The following SPICE1 variants were observed in gnomAD, a reference collection of about 807,000 sequenced individuals.
The protein encoded by SPICE1 is spindle and centriole associated protein 1.
A neutral mutation model predicts 102.7 loss-of-function variants in SPICE1; 75 were observed. The ratio of observed to expected loss-of-function variants is 0.73; its 90% CI spans 0.61 to 0.88. SPICE1 has a LOEUF of 0.88. SPICE1 is among the 40% of genes least tolerant of loss of function. The pLI, the probability that SPICE1 is intolerant of heterozygous loss-of-function variation, is 0.00. For missense variants in SPICE1, 979 were observed against 1,020.1 expected, an observed-to-expected ratio of 0.96 and a Z score of 0.55; for synonymous variants, 308 against 350.3, an observed-to-expected ratio of 0.88 and a Z score of 1.35.
chr3:113,489,930 C>T (rs985950264), intron 6 of SPICE1, among the ~76,000 whole-genome samples: 2 of 150,810 alleles, frequency 1.3e-5, no homozygotes, highest in Non-Finnish European at 3.0e-5. Context: ...TTTTCTCCTA[C>T]TCTTCTGGCC....
chr3:113,493,067 C>A, intron 6 of SPICE1, 139 bp downstream of exon 6: 1 of 595,486 alleles, frequency 1.7e-6, no homozygotes, highest in Non-Finnish European at 2.9e-6. Flanking sequence ...ACAGAAAGTG[C>A]AATACACTTA....
At chr3:113,508,398 C>T (rs1400262952) in intron 1 of SPICE1, among the ~76,000 whole-genome samples, 3 of 151,968 alleles carry the variant, frequency 2.0e-5, no homozygotes, top group Non-Finnish European at 4.4e-5. Flanking sequence ...TGAATCCAGA[C>T]TATATAAAGA....
rs570178306 is a variant in SPICE1 at position 113,515,118 on chromosome 3, A to C, written c.-222T>G. The C allele has an allele frequency of 1.2e-3, 205 of 167,210 alleles. No homozygotes were observed. Among genetic ancestry groups the C allele is most frequent in the African/African-American group, 4.5e-3 (187 of 41,678 alleles). The allele number at this position is 167,210 out of a possible 1,614,324, so 10.4% of individuals were successfully genotyped here. A position where few individuals can be genotyped will look rare whatever the true frequency, so the allele number is the denominator to read the frequency against. On this transcript the variant is annotated 5_prime_UTR_variant, in exon 1 of 18. Coordinates refer to ENST00000295872, the MANE Select transcript of SPICE1 (RefSeq NM_144718.4). Reference sequence around the variant, plus strand: ...CCGACTGCCGCCGCCACCGCAGCTAAAACTTCAGGCGCCGGAACCGCGGAG... The same window carrying C: ...CCGACTGCCGCCGCCACCGCAGCTACAACTTCAGGCGCCGGAACCGCGGAG...
Position 113,514,896 on chromosome 3 carries a change from CT to C in SPICE1, c.-1del. ...ACCCAGACACGCACCCTGACACGTACTTGCACTCTCAAAACACAGAGCCGCG... is the reference window on the plus strand; with the variant it reads ...ACCCAGACACGCACCCTGACACGTACTGCACTCTCAAAACACAGAGCCGCG... On this transcript the variant is annotated splice_region_variant and 5_prime_UTR_variant, in exon 1 of 18. Coordinates refer to ENST00000295872, the MANE Select transcript of SPICE1 (RefSeq NM_144718.4). 8.4e-7 allele frequency: 1 copy of C among 1,184,830 alleles called. No individual in the cohort carries two copies. The highest frequency in any genetic ancestry group is 1.5e-5 in the South Asian group (1 of 65,026). 73.4% of individuals were successfully genotyped at this position (1,184,830 alleles called of 1,614,324 possible).
intron 1 of SPICE1, among the ~76,000 whole-genome samples, chr3:113,513,274 G>A (rs966727553): frequency 6.6e-6 from 1 of 152,028 alleles, no homozygotes; most frequent in African/African-American, 2.4e-5. Flanking sequence ...AGCCAGGAGT[G>A]GCAGTGAGTG....
chr3:113,448,558 A>G (rs1235342757), intron 15 of SPICE1, among the ~76,000 whole-genome samples: 2 of 152,200 alleles, frequency 1.3e-5, no homozygotes, highest in East Asian at 3.8e-4. Context: ...TTACATTATG[A>G]CTATTACTGA....
intron 1 of SPICE1, among the ~76,000 whole-genome samples, chr3:113,509,602 A>G (rs775466710): frequency 6.6e-6 from 1 of 152,238 alleles, no homozygotes; most frequent in Non-Finnish European, 1.5e-5. Flanking sequence ...ATAAAGGCTA[A>G]GAATACAGTC....
In SPICE1 at chr3:113,453,520, T is replaced by A; in HGVS notation, c.2088A>T (p.Gln696His). The change falls in exon 14 of 18, where the codon CAA becomes CAT. Residue 696 changes from glutamine to histidine, a missense_variant. Coordinates refer to ENST00000295872, the MANE Select transcript of SPICE1 (RefSeq NM_144718.4). ...TGTTCAACTCCCGGAGTCCATCCCC[T>A]TGCTCTCCTCTGGGCTCAATAATAT... is the stretch of plus-strand genomic sequence containing the variant. ...MNNIIEPRGE[Q>H]GDGLRELNKQ... 1 of 1,614,090 alleles carries A rather than the reference T, an allele frequency of 6.2e-7. No homozygotes were observed. Among genetic ancestry groups the A allele is most frequent in the Non-Finnish European group, 8.5e-7 (1 of 1,179,942 alleles).
chr3:113,485,493 A>G (rs1006090281), intron 7 of SPICE1, among the ~76,000 whole-genome samples: 1 of 152,134 alleles, frequency 6.6e-6, no homozygotes, highest in African/African-American at 2.4e-5. Context: ...GAGCCTACCG[A>G]AGCTCAGCAA....
chr3:113,487,030 T>A (rs1198176062), intron 7 of SPICE1, among the ~76,000 whole-genome samples: 3 of 152,034 alleles, frequency 2.0e-5, no homozygotes, highest in African/African-American at 4.8e-5. Context: ...GCTTTTTGTA[T>A]AATTTTGTCA....
At chr3:113,459,500 C>CT (rs1442114147) in intron 12 of SPICE1, 1 of 983,808 alleles carries the variant, frequency 1.0e-6, no homozygotes, top group Non-Finnish European at 1.2e-6. Flanking sequence ...CCCAGCCCTT[C>CT]TTACCTATAG....
intron 7 of SPICE1, among the ~76,000 whole-genome samples, chr3:113,475,241 T>C (rs968829403): frequency 9.9e-5 from 15 of 152,102 alleles, no homozygotes; most frequent in African/African-American, 3.4e-4. Context: ...CAGGAAGAAG[T>C]TGAATCTCTG....
At chr3:113,482,149 T>G (rs1390570029) in intron 7 of SPICE1, among the ~76,000 whole-genome samples, 1 of 152,200 alleles carries the variant, frequency 6.6e-6, no homozygotes, top group Non-Finnish European at 1.5e-5. Flanking sequence ...TTGATTTGCA[T>G]TCTCTGATGA....
chr3:113,505,227 G>A (rs550950266), intron 2 of SPICE1, among the ~76,000 whole-genome samples: 10 of 152,200 alleles, frequency 6.6e-5, no homozygotes, highest in African/African-American at 1.4e-4. Flanking sequence ...AAATGAACCC[G>A]TGCAGCTCAA....
rs185915414 is a variant in SPICE1, at chr3:113,479,015, T to A, written c.612-9777A>T. On this transcript the variant is annotated intron_variant, in intron 7 of 17. Coordinates refer to ENST00000295872, the MANE Select transcript of SPICE1 (RefSeq NM_144718.4). ...TATACTTTAAGTTTTAGCGTACATG[T>A]GCACAATGTGCAAGTTAGTTACATA... Among the ~76,000 whole-genome samples, 41 of 152,254 alleles carry A rather than the reference T, an allele frequency of 2.7e-4. 1 individual carries two copies. In the East Asian group the frequency reaches 3.9e-3, roughly 14 times the overall value.
chr3:113,450,638 G>C (rs993975022), intron 14 of SPICE1, 122 bp from the exon 15 acceptor site: 25 of 940,994 alleles, frequency 2.7e-5, no homozygotes, highest in Non-Finnish European at 3.5e-5. Context: ...GTGCAGTGGC[G>C]CTATCTCGGC....
chr3:113,463,514 A>G (rs1191159754), intron 11 of SPICE1, among the ~76,000 whole-genome samples: 1 of 152,242 alleles, frequency 6.6e-6, no homozygotes, highest in Admixed American at 6.5e-5. Flanking sequence ...AAAATAACCC[A>G]AATGTTCATT....
Position 113,489,080 on chromosome 3 carries a change from A to G in SPICE1, c.493-17T>C. ...ATTAAGAGCCTGTCTCAACACAACAATAAAAATAGCACAAGTTGATTATAT... is the reference window on the plus strand; with the variant it reads ...ATTAAGAGCCTGTCTCAACACAACAGTAAAAATAGCACAAGTTGATTATAT... On this transcript the variant is annotated splice_polypyrimidine_tract_variant and intron_variant, in intron 6 of 17. Coordinates refer to ENST00000295872, the MANE Select transcript of SPICE1 (RefSeq NM_144718.4). 3 of 1,472,634 alleles carry G rather than the reference A, an allele frequency of 2.0e-6. No homozygotes were observed. The South Asian group carries it at 3.4e-5, about 17-fold the overall frequency. The allele number at this position is 1,472,634 out of a possible 1,614,324, so 91.2% of individuals were successfully genotyped here.
chr3:113,490,017 C>T (rs1936732816), intron 6 of SPICE1, among the ~76,000 whole-genome samples: 1 of 152,060 alleles, frequency 6.6e-6, no homozygotes, highest in Admixed American at 6.6e-5. Flanking sequence ...CAAGTCACAT[C>T]ACACCTACTA....
Sources: gnomAD v4.1 joint callset for allele counts (sites outside exome capture counted in the v4.1 genomes callset) on GRCh38, gnomAD v4.1.1 for gene constraint, MANE v1.5 for transcripts, NCBI Gene and HGNC (gene_info 2026-07-23, HGNC 2026-07-21) for gene names.